ANKLE2: variants seen among roughly 807,000 people sequenced by gnomAD.
ANKLE2 encodes ankyrin repeat and LEM domain containing 2.
A neutral mutation model predicts 84.2 loss-of-function variants in ANKLE2; 55 were observed. The ratio of observed to expected loss-of-function variants is 0.65; its 90% confidence interval spans 0.53 to 0.82. ANKLE2 has a LOEUF of 0.82. Ranked by LOEUF, ANKLE2 falls within the 40% of genes least tolerant of loss-of-function variation. ANKLE2 has a pLI of 0.00. For synonymous variants in ANKLE2, 551 were observed against 486.1 expected, an observed-to-expected ratio of 1.13 and a Z score of -1.76; for missense variants, 1,238 against 1,201.9, an observed-to-expected ratio of 1.03 and a Z score of -0.44.
Position 132,741,400 on chromosome 12 carries a change from C to T in ANKLE2, c.1420+19G>A. On this transcript the variant is annotated intron_variant, in intron 7 of 12. Coordinates refer to ENST00000357997, the MANE Select transcript of ANKLE2 (RefSeq NM_015114.3). Reference sequence around the variant, plus strand: ...CCCGGCGTGGACCCCACGATCCAGGCACCAACTCCCCATCTTACCCTTTAA... The same window carrying T: ...CCCGGCGTGGACCCCACGATCCAGGTACCAACTCCCCATCTTACCCTTTAA... 1 of 1,613,586 alleles carries T rather than the reference C, an allele frequency of 6.2e-7. No homozygotes were observed. The highest frequency in any genetic ancestry group is 8.5e-7 in the Non-Finnish European group (1 of 1,179,682).
At chr12:132,750,618 A>T (rs2044333892) in intron 3 of ANKLE2, 25 bp downstream of exon 3, 4 of 1,611,746 alleles carry the variant, frequency 2.5e-6, no homozygotes, top group Non-Finnish European at 2.5e-6. Context: ...AGGAACATCA[A>T]GATGTGAACG....
chr12:132,727,151 C>G lies in ANKLE2; in HGVS notation c.*91G>C. Reference sequence around the variant, plus strand: ...TCAAAGTGAGGAGTAATAATTTAATCAGAATATATTCCTTTTTGACAGTTT... The same window carrying G: ...TCAAAGTGAGGAGTAATAATTTAATGAGAATATATTCCTTTTTGACAGTTT... On this transcript the variant is annotated 3_prime_UTR_variant, in exon 13 of 13. Coordinates refer to ENST00000357997, the MANE Select transcript of ANKLE2 (RefSeq NM_015114.3). 8 of 1,295,232 alleles carry G rather than the reference C, an allele frequency of 6.2e-6. No individual in the cohort carries two copies. Among genetic ancestry groups the G allele is most frequent in the Non-Finnish European group, 8.2e-6 (8 of 973,810 alleles). The allele number at this position is 1,295,232 out of a possible 1,614,324, so 80.2% of individuals were successfully genotyped here. A position where few individuals can be genotyped will look rare whatever the true frequency, so the allele number is the denominator to read the frequency against.
intron 12 of ANKLE2, 69 bp downstream of exon 12, chr12:132,727,963 T>A (rs1048826186): frequency 1.3e-6 from 2 of 1,539,038 alleles, no homozygotes; most frequent in African/African-American, 2.8e-5. Flanking sequence ...TCGCATGAAG[T>A]GGAACTGGAC....
At chr12:132,731,698 G>A (rs532828148) in intron 10 of ANKLE2, 2 of 152,154 alleles carry the variant, frequency 1.3e-5, no homozygotes, top group African/African-American at 2.4e-5. Flanking sequence ...ATCCACCCAC[G>A]TTGGCCTCCC....
intron 8 of ANKLE2, among the ~76,000 whole-genome samples, chr12:132,736,573 G>GC (rs11395067): frequency 0.52 from 79,280 of 152,030 alleles, 21,177 homozygotes; most frequent in African/African-American, 0.61. Flanking sequence ...CCAGCAAGGT[G>GC]CCTAGGACGG....
At position 132,744,306 on chromosome 12, in the gene ANKLE2, C is replaced by A. The variant is rs145820780; in HGVS notation, c.1231-1030G>T. Among the ~76,000 whole-genome samples, 337 of 152,314 alleles carry A rather than the reference C, an allele frequency of 2.2e-3. 3 individuals carry two copies. Among genetic ancestry groups the A allele is most frequent in the East Asian group, 3.7e-3 (19 of 5,182 alleles). On this transcript the variant is annotated intron_variant, in intron 5 of 12. Transcript: ENST00000357997. ...ACTGCACCGTGTAGAAAACAGAATT[C>A]ATTTACACCTAGCACAGCCAGAAAC...
At chr12:132,741,570 A>T in intron 6 of ANKLE2, 85 bp from the exon 7 acceptor site, 1 of 1,337,414 alleles carries the variant, frequency 7.5e-7, no homozygotes, top group Non-Finnish European at 1.1e-6. Context: ...ATAGTTTTAA[A>T]CTCAGTAAAG....
chr12:132,736,688 A>G (rs1351725596), intron 8 of ANKLE2, among the ~76,000 whole-genome samples: 1 of 152,228 alleles, frequency 6.6e-6, no homozygotes, highest in East Asian at 1.9e-4. Flanking sequence ...GGCCCTGGTA[A>G]GCAAGCCACA....
In ANKLE2 at chr12:132,761,376, C is replaced by G. The variant is rs564671780; in HGVS notation, c.181+242G>C. 1.6e-3 allele frequency: 525 copies of G among 327,632 alleles called. 1 individual carries two copies. Among genetic ancestry groups the G allele is most frequent in the Non-Finnish European group, 1.7e-3 (307 of 182,024 alleles). The allele number at this position is 327,632 out of a possible 1,614,324, so 20.3% of individuals were successfully genotyped here. On this transcript the variant is annotated intron_variant, in intron 1 of 12. Transcript: ENST00000357997. ...GCCTTCCCCGGAGGCTGCTCCAGGG[C>G]CCGGGAAAGCTCTCACCCCCGAACC... is the stretch of plus-strand genomic sequence containing the variant.
intron 5 of ANKLE2, among the ~76,000 whole-genome samples, chr12:132,746,701 G>A (rs1053929022): frequency 5.3e-5 from 8 of 152,016 alleles, no homozygotes; most frequent in African/African-American, 1.9e-4. Flanking sequence ...TATTTCTTTG[G>A]ACTCAAGCTG....
chr12:132,753,921 AC>A (rs1436850137), intron 2 of ANKLE2, among the ~76,000 whole-genome samples: 1 of 152,060 alleles, frequency 6.6e-6, no homozygotes, highest in East Asian at 1.9e-4. Flanking sequence ...GCAGAGTAAC[AC>A]CCTGTTTCAG....
chr12:132,725,847 T>C lies in ANKLE2; in HGVS notation c.*1395A>G, dbSNP rs2043689954. 1 of 152,248 alleles carries C rather than the reference T, an allele frequency of 6.6e-6. No individual in the cohort carries two copies. Among genetic ancestry groups the C allele is most frequent in the Non-Finnish European group, 1.5e-5 (1 of 68,040 alleles). 9.4% of individuals were successfully genotyped at this position (152,248 alleles called of 1,614,324 possible). A position where few individuals can be genotyped will look rare whatever the true frequency, so the allele number is the denominator to read the frequency against. On this transcript the variant is annotated 3_prime_UTR_variant, in exon 13 of 13. Transcript: ENST00000357997. ...GCATGTGTTGTTTCTGTCTGGGATCTAGATCTTGTCTGCTACAAAACAAAT... is the reference window on the plus strand; with the variant it reads ...GCATGTGTTGTTTCTGTCTGGGATCCAGATCTTGTCTGCTACAAAACAAAT...
intron 5 of ANKLE2, among the ~76,000 whole-genome samples, chr12:132,744,205 CAG>C (rs2044187578): frequency 6.6e-6 from 1 of 152,188 alleles, no homozygotes; most frequent in African/African-American, 2.4e-5. Context: ...TCATGGTCAA[CAG>C]TGCCCCTGAG....
chr12:132,748,724 T>C (rs2044292243), intron 3 of ANKLE2, among the ~76,000 whole-genome samples: 1 of 152,136 alleles, frequency 6.6e-6, no homozygotes, highest in Non-Finnish European at 1.5e-5. Context: ...AGAGACAGGG[T>C]CTGGCTCTGT....
chr12:132,756,814 C>T (rs2044496563), intron 1 of ANKLE2: 1 of 151,716 alleles, frequency 6.6e-6, no homozygotes, highest in Non-Finnish European at 1.5e-5. Context: ...ACCTGTAATC[C>T]CAGCTACTCG....
Position 132,750,917 on chromosome 12 carries a change from C to G in ANKLE2, c.641-68G>C, listed in dbSNP as rs1040263371. The G allele has an allele frequency of 1.1e-4, 150 of 1,393,556 alleles. No individual in the cohort carries two copies. In the Middle Eastern group the frequency reaches 1.7e-3, roughly 16 times the overall value. The allele number at this position is 1,393,556 out of a possible 1,614,324, so 86.3% of individuals were successfully genotyped here. On this transcript the variant is annotated intron_variant, in intron 2 of 12. Transcript: ENST00000357997. ...TGGAGAGCTGTCACCTGGCCATGCC[C>G]TGGGCCTAACCATCAGCTTCCACAT...
At chr12:132,752,748 C>T (rs2044383691) in intron 2 of ANKLE2, among the ~76,000 whole-genome samples, 1 of 152,174 alleles carries the variant, frequency 6.6e-6, no homozygotes, top group Admixed American at 6.5e-5. Context: ...TACTCATAGG[C>T]GTCACCACAA....
chr12:132,752,138 T>G (rs2044370545), intron 2 of ANKLE2, among the ~76,000 whole-genome samples: 1 of 151,460 alleles, frequency 6.6e-6, no homozygotes, highest in African/African-American at 2.4e-5. Context: ...GTTGAGAGTT[T>G]GAGACCAGCC....
rs1010074392 is a variant in ANKLE2, at chr12:132,754,955, G to A, written c.360C>T (p.Phe120=). The part of the protein sequence containing the change: ...LLEQGGRLSS[F]YHHEAGVTAL... ...CTGTGACACCTGCCTCATGGTGGTA[G>A]AAAGAAGACAGCCTTCCTCCTTGCT... Residue 120 remains phenylalanine, a synonymous_variant, in exon 2 of 13, where the codon TTC becomes TTT. Coordinates refer to ENST00000357997, the MANE Select transcript of ANKLE2 (RefSeq NM_015114.3). 9 of 1,614,100 alleles carry A rather than the reference G, an allele frequency of 5.6e-6. No homozygotes were observed. The highest frequency in any genetic ancestry group is 1.7e-5 in the Admixed American group (1 of 60,002).
Sources: gnomAD v4.1 joint callset for allele counts (sites outside exome capture counted in the v4.1 genomes callset) on GRCh38, gnomAD v4.1.1 for gene constraint, MANE v1.5 for transcripts, NCBI Gene and HGNC (gene_info 2026-07-23, HGNC 2026-07-21) for gene names.